FRMD1: variants seen among roughly 807,000 people sequenced by gnomAD.
The protein encoded by FRMD1 is FERM domain containing 1.
In FRMD1, 51 loss-of-function variants were observed where a neutral mutation model predicts 54.9. The ratio of observed to expected loss-of-function variants is 0.93; its 90% CI spans 0.74 to 1.17. The LOEUF (loss-of-function observed/expected upper bound fraction) is 1.17, where lower values mean the gene tolerates loss of function less well. FRMD1 is among the 50% of genes most tolerant of loss of function. FRMD1 has a pLI of 0.00. For missense variants in FRMD1, 729 were observed against 743.0 expected (o/e 0.98, Z 0.22); for synonymous variants, 324 against 306.4 (o/e 1.06, Z -0.60).
Position 168,057,372 on chromosome 6 carries a change from G to A in FRMD1, c.1408-33C>T, listed in dbSNP as rs756750615. The A allele has an allele frequency of 2.5e-6, 4 of 1,598,666 alleles. No individual in the cohort carries two copies. In the South Asian group the frequency reaches 4.4e-5, roughly 18 times the overall value. ...GAGAGGCCATGGGATGAGGCCTGCTGCCCCCTCTCACTCCCACCACCGCAC... is the reference window on the plus strand; with the variant it reads ...GAGAGGCCATGGGATGAGGCCTGCTACCCCCTCTCACTCCCACCACCGCAC... On this transcript the variant is annotated intron_variant, in intron 10 of 10. Transcript: ENST00000283309.
chr6:168,064,552 T>C (rs1359565730), intron 5 of FRMD1, among the ~76,000 whole-genome samples: 1 of 152,178 alleles, frequency 6.6e-6, no homozygotes, highest in Non-Finnish European at 1.5e-5. Flanking sequence ...GTGGGTCACA[T>C]TCCACAGCCA....
At chr6:168,057,561 G>T in intron 10 of FRMD1, 1 of 601,888 alleles carries the variant, frequency 1.7e-6, no homozygotes, top group Non-Finnish European at 2.8e-6. Context: ...CCCCCACCTT[G>T]CCCAGCTTCT....
chr6:168,090,857 A>T (rs917348592), intron 1 of FRMD1, among the ~76,000 whole-genome samples: 3 of 152,148 alleles, frequency 2.0e-5, no homozygotes, highest in Admixed American at 1.3e-4. Context: ...TACTCTGTCC[A>T]TTTTACTGAT....
chr6:168,081,328 C>T, upstream of FRMD1: 1 of 1,511,466 alleles, frequency 6.6e-7, no homozygotes, highest in South Asian at 1.2e-5. Flanking sequence ...GACCGGGCCC[C>T]AACACTGACC....
intron 1 of FRMD1, among the ~76,000 whole-genome samples, chr6:168,086,565 G>A (rs906253600): frequency 5.5e-5 from 4 of 72,092 alleles, no homozygotes; most frequent in Admixed American, 3.0e-4. Context: ...GGACACCCAC[G>A]TGCCCAGTGT....
intron 1 of FRMD1, 64 bp downstream of exon 1, chr6:168,078,801 TGCTCACCCCCACGGCCA>T: frequency 2.8e-6 from 3 of 1,084,408 alleles, no homozygotes; most frequent in Non-Finnish European, 3.6e-6. Context: ...CCCAGGGCCC[TGCTCACCCCCACGGCCA>T]CCCGGAGCCC....
chr6:168,078,997 T>G lies in FRMD1; in HGVS notation c.98A>C (p.Glu33Ala), dbSNP rs200270419. The change falls in exon 1 of 11, where the codon GAG becomes GCG. Residue 33 changes from glutamate (E) to alanine (A), a missense_variant. By Grantham distance (107) the Glu-to-Ala change is moderately radical (BLOSUM62 -1). Coordinates refer to ENST00000283309, the MANE Select transcript of FRMD1 (RefSeq NM_024919.6). Reference protein sequence around the residue: ...SGARCMEPSPERPACSQQEPT... With the variant: ...SGARCMEPSPARPACSQQEPT... ...CTCCTGCTGACTGCATGCAGGCCTC[T>G]CAGGACTGGGTTCCATACATCGCGC... 2 of 1,612,460 alleles carry G rather than the reference T, an allele frequency of 1.2e-6. No individual in the cohort carries two copies. The highest frequency in any genetic ancestry group is 1.7e-6 in the Non-Finnish European group (2 of 1,179,954).
At chr6:168,069,532 C>CA (rs1158803153) in intron 2 of FRMD1, among the ~76,000 whole-genome samples, 1 of 152,178 alleles carries the variant, frequency 6.6e-6, no homozygotes. Context: ...AGATGTTTAG[C>CA]AATGTTCGCT....
chr6:168,087,655 C>T lies in FRMD1; in HGVS notation c.-11-8631G>A, dbSNP rs116550422. On this transcript the variant is annotated intron_variant, in intron 1 of 12. Transcript: ENST00000644440. ...TGCGTGCGCTGGCATGTGAGATGCA[C>T]GGGCTGGCGTGTGGAGCATGTGAGA... Among the ~76,000 whole-genome samples, 1,226 of 152,316 alleles carry T rather than the reference C, an allele frequency of 8.0e-3. 15 individuals carry two copies. Among genetic ancestry groups the T allele is most frequent in the African/African-American group, 0.028 (1,160 of 41,568 alleles).
upstream of FRMD1, among the ~76,000 whole-genome samples, chr6:168,085,902 A>C (rs1249844881): frequency 6.6e-6 from 1 of 152,210 alleles, no homozygotes. Context: ...GGCACACCGC[A>C]GAGCTGCAGG....
At chr6:168,087,163 C>G (rs1300984945) in intron 1 of FRMD1, among the ~76,000 whole-genome samples, 1 of 152,074 alleles carries the variant, frequency 6.6e-6, no homozygotes, top group Non-Finnish European at 1.5e-5. Flanking sequence ...TGCCTCCTGG[C>G]TCAAGCGATT....
At chr6:168,071,538 G>T (rs1469241314) in intron 2 of FRMD1, among the ~76,000 whole-genome samples, 1 of 152,184 alleles carries the variant, frequency 6.6e-6, no homozygotes, top group Non-Finnish European at 1.5e-5. Context: ...TCCTGCAGAG[G>T]CGGATTCCTG....
rs532644114 is a variant in FRMD1 at position 168,079,160 on chromosome 6, A to C, written c.-66T>G. The C allele has an allele frequency of 2.0e-4, 301 of 1,486,306 alleles. 1 individual carries two copies. Among genetic ancestry groups the C allele is most frequent in the Non-Finnish European group, 2.5e-4 (280 of 1,120,942 alleles). 92.1% of individuals were successfully genotyped at this position (1,486,306 alleles called of 1,614,324 possible). A position where few individuals can be genotyped will look rare whatever the true frequency, so the allele number is the denominator to read the frequency against. ...GGGTGCTCAGCACCTCCCAGATCAC[A>C]GCTGTGCTTTCCGGGACCCGCCCTT... On this transcript the variant is annotated 5_prime_UTR_variant, in exon 1 of 11. Transcript: ENST00000283309.
chr6:168,081,649 C>T (rs4708430), upstream of FRMD1: 684,896 of 785,176 alleles, frequency 0.87, 299,509 homozygotes, highest in Non-Finnish European at 0.89. Flanking sequence ...AATGCTGTTC[C>T]GTGGTGAGAA....
upstream of FRMD1, among the ~76,000 whole-genome samples, chr6:168,082,886 G>A (rs1486271894): frequency 6.6e-6 from 1 of 152,176 alleles, no homozygotes; most frequent in Non-Finnish European, 1.5e-5. Context: ...CTGGGGCAAG[G>A]TGGGCAGGGT....
intron 7 of FRMD1, 181 bp downstream of exon 7, chr6:168,062,713 C>T (rs1374758329): frequency 1.9e-6 from 3 of 1,552,818 alleles, no homozygotes; most frequent in East Asian, 2.4e-5. Flanking sequence ...GGAGGTCGTA[C>T]AGCAGCTGCG....
chr6:168,088,145 G>A (rs953088283), intron 1 of FRMD1, among the ~76,000 whole-genome samples: 5 of 152,208 alleles, frequency 3.3e-5, no homozygotes, highest in East Asian at 3.9e-4. Context: ...TAAGAAAGCC[G>A]GGGCTGAGAG....
chr6:168,078,099 C>A (rs935375509), intron 1 of FRMD1, among the ~76,000 whole-genome samples: 1 of 152,182 alleles, frequency 6.6e-6, no homozygotes, highest in Non-Finnish European at 1.5e-5. Context: ...AGAAAGTCAT[C>A]GTTCTTCAAC....
At position 168,059,057 on chromosome 6, in the gene FRMD1, C is replaced by G; in HGVS notation, c.1407+67G>C. On this transcript the variant is annotated intron_variant, in intron 10 of 10. Coordinates refer to ENST00000283309, the MANE Select transcript of FRMD1 (RefSeq NM_024919.6). The surrounding 1 kb of genome is among the most constrained non-coding windows in gnomAD (Gnocchi z 4.4). ...CTAGGAAGGTCCCCAGGGCCCCTGACAGGGGACCTAGGAGAAGGGGGTGGA... is the reference window on the plus strand; with the variant it reads ...CTAGGAAGGTCCCCAGGGCCCCTGAGAGGGGACCTAGGAGAAGGGGGTGGA... The G allele has an allele frequency of 7.5e-7, 1 of 1,326,444 alleles. No individual in the cohort carries two copies. Among genetic ancestry groups the G allele is most frequent in the Non-Finnish European group, 1.0e-6 (1 of 956,052 alleles). The allele number at this position is 1,326,444 out of a possible 1,614,324, so 82.2% of individuals were successfully genotyped here.
Sources: gnomAD v4.1 joint callset for allele counts (sites outside exome capture counted in the v4.1 genomes callset) on GRCh38, gnomAD v4.1.1 for gene constraint, Gnocchi (gnomAD v3.1) non-coding constraint, MANE v1.5 for transcripts, NCBI Gene and HGNC (gene_info 2026-07-23, HGNC 2026-07-21) for gene names.